Variants in GIT1 observed in about 807,000 individuals in gnomAD.
The protein encoded by GIT1 is GIT ArfGAP 1, also known as ARF GTPase-activating protein GIT1.
GIT1 carries 14 observed loss-of-function variants against 91.7 expected under a neutral mutation model. The observed-to-expected ratio is 0.15, with a 90% CI of 0.10 to 0.24. The LOEUF is 0.24. Among genes scored for constraint, GIT1 ranks in the 10% least tolerant of loss-of-function variants. The pLI, the probability that GIT1 is intolerant of heterozygous loss-of-function variation, is 1.00. For missense variants in GIT1, 717 were observed against 1,024.9 expected (o/e 0.70, Z 4.10); for synonymous variants, 414 against 418.2 (o/e 0.99, Z 0.12).
chr17:29,586,060 C>G (rs1414492015), intron 1 of GIT1, among the ~76,000 whole-genome samples: 2 of 152,166 alleles, frequency 1.3e-5, no homozygotes, highest in African/African-American at 4.8e-5. Context: ...CAGATCTCCA[C>G]TAGACTAAGG....
intron 2 of GIT1, 39 bp from the exon 3 acceptor site, chr17:29,583,076 C>A (rs752048742): frequency 1.5e-6 from 2 of 1,330,532 alleles, no homozygotes; most frequent in Non-Finnish European, 2.2e-6. Context: ...GTGCCCACTG[C>A]GTGCTAAGCA....
Position 29,575,038 on chromosome 17 carries a change from C to T in GIT1, c.2073+41G>A, listed in dbSNP as rs368220668. On this transcript the variant is annotated intron_variant, in intron 19 of 19. Transcript: ENST00000225394. This position sits in a 1 kb window ranked among gnomAD's most constrained non-coding sequence, Gnocchi z 5.5. ...GGGATTCTCCACGCCTGCCCCAGCT[C>T]GAGGCCCTCCCACTCCTGGTCCTCT... 1.8e-5 allele frequency: 27 copies of T among 1,521,060 alleles called. No individual in the cohort carries two copies. Among genetic ancestry groups the T allele is most frequent in the African/African-American group, 1.1e-4 (8 of 72,540 alleles). The allele number at this position is 1,521,060 out of a possible 1,614,324, so 94.2% of individuals were successfully genotyped here. A position where few individuals can be genotyped will look rare whatever the true frequency, so the allele number is the denominator to read the frequency against.
At chr17:29,585,090 A>G (rs934510144) in intron 1 of GIT1, among the ~76,000 whole-genome samples, 1 of 150,750 alleles carries the variant, frequency 6.6e-6, no homozygotes, top group Non-Finnish European at 1.5e-5. Flanking sequence ...GACCGCCAAC[A>G]CCTTCCTGGG....
At position 29,575,573 on chromosome 17, in the gene GIT1, T is replaced by C; in HGVS notation, c.1826+57A>G. The C allele has an allele frequency of 4.4e-6, 7 of 1,581,450 alleles. No homozygotes were observed. The South Asian group carries it at 7.8e-5, about 18-fold the overall frequency. Reference sequence around the variant, plus strand: ...TGGTCCTCACACACTGGGGGCCCTCTCAACCTCCCCGCCTCGGCATGTGAG... The same window carrying C: ...TGGTCCTCACACACTGGGGGCCCTCCCAACCTCCCCGCCTCGGCATGTGAG... On this transcript the variant is annotated intron_variant, in intron 17 of 19. Coordinates refer to ENST00000225394, the MANE Select transcript of GIT1 (RefSeq NM_014030.4). The surrounding 1 kb of genome is among the most constrained non-coding windows in gnomAD (Gnocchi z 5.5).
At chr17:29,585,365 T>C (rs886630173) in intron 1 of GIT1, among the ~76,000 whole-genome samples, 3 of 152,062 alleles carry the variant, frequency 2.0e-5, no homozygotes, top group Admixed American at 6.6e-5. Flanking sequence ...GGCAGGATCA[T>C]AAATGGGCTG....
At chr17:29,579,129 A>C (rs778789945) in intron 7 of GIT1, 20 of 716,146 alleles carry the variant, frequency 2.8e-5, no homozygotes, top group Non-Finnish European at 4.7e-5. Context: ...AGCTGAATTC[A>C]TCTCACCGCG....
At chr17:29,579,256 C>T in intron 7 of GIT1, 1 of 522,450 alleles carries the variant, frequency 1.9e-6, no homozygotes, top group Non-Finnish European at 3.4e-6. Context: ...CCTAGTGAAG[C>T]TCCCCAGGTT....
chr17:29,589,329 G>A lies in GIT1; in HGVS notation c.50C>T (p.Pro17Leu), dbSNP rs951047270. The A allele has an allele frequency of 4.7e-6, 5 of 1,053,072 alleles. No homozygotes were observed. The highest frequency in any genetic ancestry group is 9.4e-5 in the Admixed American group (2 of 21,254). The allele number at this position is 1,053,072 out of a possible 1,614,324, so 65.2% of individuals were successfully genotyped here. Residue 17 changes from proline to leucine, a missense_variant and splice_region_variant, in exon 1 of 20, where the codon CCG becomes CTG. Pro to Leu is a moderately conservative substitution (Grantham distance 98). This residue lies in a region of GIT1 where 271 missense variants were observed against 451.6 expected (regional missense o/e 0.60). Coordinates refer to ENST00000225394, the MANE Select transcript of GIT1 (RefSeq NM_014030.4). The surrounding 1 kb of genome is among the most constrained non-coding windows in gnomAD (Gnocchi z 5.2). Reference protein sequence around the residue: ...RAEVCADCSAPDPGWASISRG... With the variant: ...RAEVCADCSALDPGWASISRG... ...GCCCCCGGCCCCGCCGCGCTTACCCGGGGCGCTGCAGTCCGCACACACCTC... is the reference window on the plus strand; with the variant it reads ...GCCCCCGGCCCCGCCGCGCTTACCCAGGGCGCTGCAGTCCGCACACACCTC...
intron 7 of GIT1, chr17:29,579,462 A>G (rs548465141): frequency 9.5e-5 from 16 of 168,078 alleles, no homozygotes; most frequent in Non-Finnish European, 1.3e-5. Flanking sequence ...AGAATACCCT[A>G]GGGACGGGCA....
In GIT1 at chr17:29,586,790, C is replaced by T. The variant is rs555642557; in HGVS notation, c.52+2537G>A. Among the ~76,000 whole-genome samples the T allele has an allele frequency of 3.3e-5, 5 of 152,250 alleles. No homozygotes were observed. The East Asian group carries it at 9.6e-4, about 29-fold the overall frequency. On this transcript the variant is annotated intron_variant, in intron 1 of 19. Coordinates refer to ENST00000225394, the MANE Select transcript of GIT1 (RefSeq NM_014030.4). Reference sequence around the variant, plus strand: ...GATCGTGTGGCGAGGTGGGCCAAGCCTAAGGAAAGGGGAAGATGCACATTC... The same window carrying T: ...GATCGTGTGGCGAGGTGGGCCAAGCTTAAGGAAAGGGGAAGATGCACATTC...
chr17:29,584,762 C>T (rs1598578508), intron 1 of GIT1, among the ~76,000 whole-genome samples: 1 of 152,116 alleles, frequency 6.6e-6, no homozygotes, highest in East Asian at 1.9e-4. Flanking sequence ...GAGGGACAGG[C>T]TTAGGGGGAT....
chr17:29,577,757 C>T lies in GIT1; in HGVS notation c.884-15G>A. On this transcript the variant is annotated splice_polypyrimidine_tract_variant and intron_variant, in intron 9 of 19. Transcript: ENST00000225394. Reference sequence around the variant, plus strand: ...AGCCAGCCACACTGTAGGGGACGGACAGGAGCAGATCAGCCACGGTGGCCA... The same window carrying T: ...AGCCAGCCACACTGTAGGGGACGGATAGGAGCAGATCAGCCACGGTGGCCA... 1 of 1,549,532 alleles carries T rather than the reference C, an allele frequency of 6.5e-7. No individual in the cohort carries two copies. Among genetic ancestry groups the T allele is most frequent in the South Asian group, 1.1e-5 (1 of 89,760 alleles).
rs772368684 is a variant in GIT1, at chr17:29,574,779, C to T, written c.2209G>A (p.Val737Met). 1 of 1,613,306 alleles carries T rather than the reference C, an allele frequency of 6.2e-7. No individual in the cohort carries two copies. The highest frequency in any genetic ancestry group is 2.2e-5 in the East Asian group (1 of 44,872). The change falls in exon 20 of 20, where the codon GTG becomes ATG. Residue 737 changes from valine to methionine, a missense_variant. Val to Met is a conservative substitution (Grantham distance 21). Transcript: ENST00000225394. ...PVDFQLLTQQ[V>M]IQCAYDIAKA... ...GCGATGTCATAGGCGCACTGGATCACCTGCTGAGTCAGCAGCTGGAAGTCC... is the reference window on the plus strand; with the variant it reads ...GCGATGTCATAGGCGCACTGGATCATCTGCTGAGTCAGCAGCTGGAAGTCC...
chr17:29,583,385 A>T (rs2033469326), intron 2 of GIT1, 98 bp downstream of exon 2: 1 of 1,332,828 alleles, frequency 7.5e-7, no homozygotes, highest in African/African-American at 1.4e-5. Context: ...GAAGCTGCAG[A>T]TTCCAGATGG....
intron 1 of GIT1, among the ~76,000 whole-genome samples, chr17:29,587,926 C>A (rs1167618213): frequency 6.6e-6 from 1 of 152,196 alleles, no homozygotes; most frequent in African/African-American, 2.4e-5. Context: ...ATCCCCAGAC[C>A]TGCCTGCAGC....
chr17:29,579,724 TAA>T (rs150798041), intron 7 of GIT1, among the ~76,000 whole-genome samples: 4 of 142,164 alleles, frequency 2.8e-5, no homozygotes, highest in Non-Finnish European at 3.1e-5. Context: ...CCCCAACTCT[TAA>T]AAAAAAAAAA....
At chr17:29,577,998 G>A (rs1320763605) in intron 9 of GIT1, among the ~76,000 whole-genome samples, 2 of 152,252 alleles carry the variant, frequency 1.3e-5, no homozygotes, top group African/African-American at 4.8e-5. Context: ...TCCGGCTGTG[G>A]CCAGGAAGGA....
In GIT1 at chr17:29,575,947, C is replaced by A. The variant is rs201348527; in HGVS notation, c.1666-49G>T. 3.0e-4 allele frequency: 466 copies of A among 1,547,958 alleles called. 4 individuals are homozygous for A. The African/African-American group carries it at 5.7e-3, about 19-fold the overall frequency. On this transcript the variant is annotated intron_variant, in intron 15 of 19. Transcript: ENST00000225394. This position sits in a 1 kb window ranked among gnomAD's most constrained non-coding sequence, Gnocchi z 5.5. ...TGGAGTCAGTGTGCCCCACTGCCCC[C>A]CTGCTCACCAGCAGTGCAGCAGGGA...
chr17:29,579,134 A>C, intron 7 of GIT1: 13 of 691,990 alleles, frequency 1.9e-5, no homozygotes, highest in Non-Finnish European at 2.9e-5. Context: ...AATTCATCTC[A>C]CCGCGTCCCC....
Sources: allele counts gnomAD v4.1 joint callset (sites outside exome capture counted in the v4.1 genomes callset), GRCh38; gene constraint gnomAD v4.1.1; regional missense constraint gnomAD v4.1.1; non-coding constraint Gnocchi (gnomAD v3.1); transcripts MANE v1.5; gene names NCBI Gene and HGNC (gene_info 2026-07-23, HGNC 2026-07-21).